The following PIGN variants were observed in gnomAD, a reference collection of about 807,000 sequenced individuals.
PIGN encodes the protein phosphatidylinositol glycan anchor biosynthesis class N.
PIGN carries 117 observed loss-of-function variants against 125.4 expected under a neutral mutation model. The observed-to-expected ratio is 0.93, with a 90% CI of 0.80 to 1.09. PIGN has a LOEUF of 1.09. PIGN is among the 50% of genes least tolerant of loss of function. The probability of loss-of-function intolerance (pLI) is 0.00; values close to 1 mark genes in which losing one functional copy is unlikely to be tolerated. For synonymous variants in PIGN, 392 were observed against 377.8 expected (o/e 1.04, Z -0.44); for missense variants, 1,075 against 1,094.9 (o/e 0.98, Z 0.26).
chr18:62,143,306 C>G lies in PIGN; in HGVS notation c.963G>C (p.Gln321His), dbSNP rs587777187. ...LENWKRLDVN[Q>H]ADIAPLMTSL... ...AATGTAATAAAATCGAACTGGATAC[C>G]TGATTGACATCTAGCCTCTTCCAAT... The change falls in exon 11 of 31, where the codon CAG becomes CAC. Residue 321 changes from glutamine to histidine, a missense_variant and splice_region_variant. This residue lies in a region of PIGN where 915 missense variants were observed against 908.7 expected (regional missense o/e 1.01). Transcript: ENST00000640252. 6.7e-7 allele frequency: 1 copy of G among 1,493,648 alleles called. No homozygotes were observed. Among genetic ancestry groups the G allele is most frequent in the African/African-American group, 1.4e-5 (1 of 72,420 alleles). The allele number at this position is 1,493,648 out of a possible 1,614,324, so 92.5% of individuals were successfully genotyped here. A position where few individuals can be genotyped will look rare whatever the true frequency, so the allele number is the denominator to read the frequency against.
chr18:62,096,516 C>CTTTT lies in PIGN; in HGVS notation c.2078-570_2078-567dup, dbSNP rs398033140. ...TATTAACTCAAAAATGAATTATTTT[C>CTTTT]TTTTTTTTTTTTTTTTTTTTTTTTT... is the stretch of plus-strand genomic sequence containing the variant. On this transcript the variant is annotated intron_variant, in intron 22 of 30. Coordinates refer to ENST00000640252, the MANE Select transcript of PIGN (RefSeq NM_176787.5). 2.5e-4 allele frequency among the ~76,000 whole-genome samples: 21 copies of CTTTT among 85,652 alleles called. 1 individual carries two copies. The highest frequency in any genetic ancestry group is 8.7e-4 in the African/African-American group (16 of 18,378). The allele number at this position is 85,652 out of a possible 152,430, so 56.2% of individuals were successfully genotyped here.
At chr18:62,167,234 C>CCA (rs2037171392) in intron 1 of PIGN, among the ~76,000 whole-genome samples, 2 of 135,816 alleles carry the variant, frequency 1.5e-5, no homozygotes, top group Non-Finnish European at 3.3e-5. Context: ...AAATCTCTCT[C>CCA]TATATATATA....
chr18:62,167,185 AGC>A (rs1006316788), intron 1 of PIGN, among the ~76,000 whole-genome samples: 7 of 116,270 alleles, frequency 6.0e-5, no homozygotes, highest in African/African-American at 2.0e-4. Flanking sequence ...AGAGAGCAGG[AGC>A]GCTCTCTCTC....
chr18:62,036,638 G>C (rs974899), downstream of PIGN, among the ~76,000 whole-genome samples: 47,454 of 152,030 alleles, frequency 0.31, 8,578 homozygotes, highest in East Asian at 0.63. Context: ...CACAGGGCTG[G>C]TTTCATTCCA....
intron 17 of PIGN, among the ~76,000 whole-genome samples, chr18:62,108,328 T>A: frequency 6.6e-6 from 1 of 152,204 alleles, no homozygotes; most frequent in East Asian, 1.9e-4. Flanking sequence ...TAAATATATA[T>A]GTTTTCTTCA....
chr18:62,130,586 G>C (rs962734869), intron 14 of PIGN, among the ~76,000 whole-genome samples: 1 of 151,862 alleles, frequency 6.6e-6, no homozygotes, highest in Non-Finnish European at 1.5e-5. Flanking sequence ...ACATTACTTT[G>C]CTGTAATTGT....
chr18:62,041,640 G>GGGGTGTGTGTGTGT lies in PIGN; in HGVS notation c.*4215_*4216insACACACACACACCC, dbSNP rs1355691128. ...ATTACAGGAGCCTACCACCCCGCCG[G>GGGGTGTGTGTGTGT]GTGTGTGTGTGTGTGTGTGTGTGTG... On this transcript the variant is annotated 3_prime_UTR_variant, in exon 31 of 31. Coordinates refer to ENST00000640252, the MANE Select transcript of PIGN (RefSeq NM_176787.5). 1.5e-3 allele frequency: 117 copies of GGGGTGTGTGTGTGT among 77,540 alleles called. 2 individuals are homozygous for GGGGTGTGTGTGTGT. The highest frequency in any genetic ancestry group is 2.2e-3 in the Non-Finnish European group (91 of 40,872). 4.8% of individuals were successfully genotyped at this position (77,540 alleles called of 1,614,324 possible).
intron 19 of PIGN, 21 bp from the exon 20 acceptor site, chr18:62,105,655 A>G: frequency 7.2e-7 from 1 of 1,385,752 alleles, no homozygotes; most frequent in Non-Finnish European, 1.0e-6. Context: ...GAAAAAAGTT[A>G]TCTTTAGACA....
At chr18:62,099,301 C>A (rs998640104) in intron 22 of PIGN, among the ~76,000 whole-genome samples, 1 of 151,782 alleles carries the variant, frequency 6.6e-6, no homozygotes, top group Non-Finnish European at 1.5e-5. Context: ...TACTTTAGAC[C>A]AAAAACAATC....
chr18:62,140,998 AGTT>A (rs2036114534), intron 11 of PIGN, among the ~76,000 whole-genome samples: 1 of 152,162 alleles, frequency 6.6e-6, no homozygotes, highest in Admixed American at 6.5e-5. Flanking sequence ...TTCTCGGAAG[AGTT>A]GTTCATGCTT....
chr18:62,064,475 T>C lies in PIGN; in HGVS notation c.2672+8198A>G, dbSNP rs141708049. On this transcript the variant is annotated intron_variant, in intron 30 of 30. Transcript: ENST00000640252. ...GGGAATGCTTTATGTATGGTGAGTG[T>C]TCAATATGTATTTTTTTCTGAAAAA... Among the ~76,000 whole-genome samples the C allele has an allele frequency of 1.6e-3, 241 of 152,348 alleles. 1 individual carries two copies. Among genetic ancestry groups the C allele is most frequent in the African/African-American group, 5.4e-3 (225 of 41,578 alleles).
At chr18:62,038,308 GTTTTTTTTTTT>G (rs34436733), downstream of PIGN, among the ~76,000 whole-genome samples, 1 of 120,088 alleles carries the variant, frequency 8.3e-6, no homozygotes, top group Admixed American at 9.4e-5. Flanking sequence ...CCCCCTCCGT[GTTTTTTTTTTT>G]TTTTTTTTTG....
intron 1 of PIGN, among the ~76,000 whole-genome samples, chr18:62,164,320 T>C (rs2037056484): frequency 1.2e-4 from 18 of 152,260 alleles, no homozygotes; most frequent in Admixed American, 1.2e-3. Context: ...TAACATAATG[T>C]ATTAGTCCAT....
intron 13 of PIGN, among the ~76,000 whole-genome samples, chr18:62,138,711 T>C (rs1443003170): frequency 6.6e-6 from 1 of 152,170 alleles, no homozygotes; most frequent in Admixed American, 6.5e-5. Context: ...TGGGGCAAAT[T>C]CTAATAGTTA....
chr18:62,088,613 G>A (rs2033819538), intron 25 of PIGN, 143 bp downstream of exon 25: 1 of 566,978 alleles, frequency 1.8e-6, no homozygotes, highest in Non-Finnish European at 3.1e-6. Context: ...TTTTTAATGT[G>A]AATTACATGA....
At chr18:62,165,945 T>C (rs2037118377) in intron 1 of PIGN, among the ~76,000 whole-genome samples, 1 of 152,198 alleles carries the variant, frequency 6.6e-6, no homozygotes, top group South Asian at 2.1e-4. Context: ...CACAACTCTT[T>C]GGGAGAATAC....
At chr18:62,017,894 C>T (rs2030000739) in intron 23 of PIGN, among the ~76,000 whole-genome samples, 1 of 151,828 alleles carries the variant, frequency 6.6e-6, no homozygotes, top group Non-Finnish European at 1.5e-5. Flanking sequence ...TTGAAGTCAA[C>T]ATTTTATCGG....
At chr18:62,161,085 T>C (rs775153182) in intron 4 of PIGN, 48 bp downstream of exon 4, 2 of 1,283,336 alleles carry the variant, frequency 1.6e-6, no homozygotes, top group Non-Finnish European at 2.2e-6. Flanking sequence ...TTTACTTAAC[T>C]CAGAATAACA....
intron 1 of PIGN, among the ~76,000 whole-genome samples, chr18:62,182,419 T>C (rs2037750480): frequency 6.6e-6 from 1 of 152,208 alleles, no homozygotes; most frequent in African/African-American, 2.4e-5. Context: ...TCTCAGTAGG[T>C]GGCACCACCT....
Sources: gnomAD v4.1 joint callset for allele counts (sites outside exome capture counted in the v4.1 genomes callset) on GRCh38, gnomAD v4.1.1 for gene constraint, gnomAD v4.1.1 regional missense constraint, MANE v1.5 for transcripts, NCBI Gene and HGNC (gene_info 2026-07-23, HGNC 2026-07-21) for gene names.